Variants in ABCC8 observed in about 807,000 individuals in gnomAD.
ABCC8 encodes the protein ATP-binding cassette sub-family C member 8.
ABCC8 carries 137 observed loss-of-function variants against 188.0 expected under a neutral mutation model. The observed-to-expected ratio is 0.73, with a 90% CI of 0.63 to 0.84. The LOEUF (loss-of-function observed/expected upper bound fraction) is 0.84, where lower values mean the gene tolerates loss of function less well. Ranked by LOEUF, ABCC8 falls within the 40% of genes least tolerant of loss-of-function variation. The pLI is 0.00. For missense variants in ABCC8, 1,750 were observed against 2,072.7 expected (o/e 0.84, Z 3.02); for synonymous variants, 797 against 846.5 (o/e 0.94, Z 1.01).
chr11:17,470,123 G>A lies in ABCC8; in HGVS notation c.390C>T (p.Ser130=), dbSNP rs1287419173. Residue 130 remains serine, a synonymous_variant, in exon 3 of 39, where the codon TCC becomes TCT. Coordinates refer to ENST00000389817, the MANE Select transcript of ABCC8 (RefSeq NM_000352.6). ...SVVYYHNIET[S]NFPKLLIALL... is the part of the protein sequence containing the mutation. ...TACCAATTAGCAGCTTGGGGAAGTTGGAAGTCTCGATGTTGTGATAGTAGA... is the reference window on the plus strand; with the variant it reads ...TACCAATTAGCAGCTTGGGGAAGTTAGAAGTCTCGATGTTGTGATAGTAGA... 6 of 1,614,146 alleles carry A rather than the reference G, an allele frequency of 3.7e-6. No individual in the cohort carries two copies. In the Admixed American group the frequency reaches 6.7e-5, roughly 18 times the overall value.
chr11:17,463,478 C>T lies in ABCC8; in HGVS notation c.539G>A (p.Gly180Glu). Residue 180 changes from glycine (G) to glutamate (E), a missense_variant, in exon 4 of 39, where the codon GGG becomes GAG. Transcript: ENST00000389817. ...CLTGLLVILY[G>E]MLLLVEVNVI... ...ATTGACCTCCACGAGGAGCAGCATC[C>T]CATAGAGGATCACCAGCAGCCCTGT... 6.2e-7 allele frequency: 1 copy of T among 1,605,626 alleles called. No individual in the cohort carries two copies. The highest frequency in any genetic ancestry group is 8.5e-7 in the Non-Finnish European group (1 of 1,176,280).
At chr11:17,398,946 C>T (rs1357323562) in intron 29 of ABCC8, 1 of 192,112 alleles carries the variant, frequency 5.2e-6, no homozygotes, top group Non-Finnish European at 1.1e-5. Context: ...AAATCGCAAA[C>T]TGTGTCCTCT....
At chr11:17,469,326 C>T (rs11024297) in intron 3 of ABCC8, among the ~76,000 whole-genome samples, 46,746 of 151,622 alleles carry the variant, frequency 0.31, 7,246 homozygotes, top group Middle Eastern at 0.44. Context: ...CTCCTGACCT[C>T]GGGTGATCCG....
intron 20 of ABCC8, 132 bp from the exon 21 acceptor site, chr11:17,412,878 C>A (rs1954883270): frequency 6.6e-7 from 1 of 1,520,948 alleles, no homozygotes; most frequent in African/African-American, 1.4e-5. Flanking sequence ...TCTCACCTTG[C>A]ATAGAGAAGG....
intron 10 of ABCC8, chr11:17,435,886 T>G: frequency 7.6e-7 from 1 of 1,314,002 alleles, no homozygotes; most frequent in Non-Finnish European, 1.1e-6. Flanking sequence ...GCATTCCAAA[T>G]AAGACTCAAA....
At position 17,448,582 on chromosome 11, in the gene ABCC8, G is replaced by A; in HGVS notation, c.1266C>T (p.Ala422=). 6.2e-7 allele frequency: 1 copy of A among 1,614,192 alleles called. No individual in the cohort carries two copies. Among genetic ancestry groups the A allele is most frequent in the South Asian group, 1.1e-5 (1 of 91,072 alleles). The change falls in exon 8 of 39, where the codon GCC becomes GCT. Residue 422 remains alanine (A), a synonymous_variant. Transcript: ENST00000389817. ...ACCACATGAGCTGATTGGTGTCGAT[G>A]GCAACCAGATTACAGATCTGTCCAG... ...MTAGQICNLV[A]IDTNQLMWFF...
At chr11:17,396,555 C>T in intron 33 of ABCC8, 1 of 341,388 alleles carries the variant, frequency 2.9e-6, no homozygotes, top group South Asian at 2.9e-5. Context: ...CAAGGGTGGC[C>T]TCGCTGTCTG....
chr11:17,448,827 T>C, intron 7 of ABCC8, 156 bp from the exon 8 acceptor site: 1 of 611,432 alleles, frequency 1.6e-6, no homozygotes, highest in South Asian at 7.2e-5. Flanking sequence ...CCGTTCCAAC[T>C]TACTAGTCTA....
chr11:17,428,629 C>A lies in ABCC8; in HGVS notation c.1859G>T (p.Arg620Leu), dbSNP rs771879279. Residue 620 changes from arginine to leucine, a missense_variant, in exon 13 of 39, where the codon CGT becomes CTT. Coordinates refer to ENST00000389817, the MANE Select transcript of ABCC8 (RefSeq NM_000352.6). ...CTCATGGGGGGCACACTGCTCCTCA[C>A]GGATCTCTGCACTGGACAGGAACTC... ...LSEFLSSAEI[R>L]EEQCAPHEPT... is the part of the protein sequence containing the mutation. The A allele has an allele frequency of 6.2e-7, 1 of 1,613,988 alleles. No homozygotes were observed. Among genetic ancestry groups the A allele is most frequent in the East Asian group, 2.2e-5 (1 of 44,878 alleles).
At position 17,408,427 on chromosome 11, in the gene ABCC8, T is replaced by A. The variant is rs747355114; in HGVS notation, c.2785A>T (p.Thr929Ser). ...TCTTGGTCCTGTCGGTTCATGAGGG[T>A]CTTCCAGTGCTCAAAGAGCTGGCAT... ...SECQLFEHWK[T>S]LMNRQDQELE... is the part of the protein sequence containing the mutation. The change falls in exon 23 of 39, where the codon ACC (threonine) becomes TCC (serine). Residue 929 changes from threonine to serine, a missense_variant. Physicochemically the swap from Thr to Ser is moderately conservative, Grantham distance 58 (BLOSUM62 1). Coordinates refer to ENST00000389817, the MANE Select transcript of ABCC8 (RefSeq NM_000352.6). 5 of 1,613,652 alleles carry A rather than the reference T, an allele frequency of 3.1e-6. No individual in the cohort carries two copies. Among genetic ancestry groups the A allele is most frequent in the Non-Finnish European group, 4.2e-6 (5 of 1,180,002 alleles).
chr11:17,469,725 C>A (rs1389581399), intron 3 of ABCC8, among the ~76,000 whole-genome samples: 1 of 152,174 alleles, frequency 6.6e-6, no homozygotes, highest in Non-Finnish European at 1.5e-5. Context: ...CAAATCTATC[C>A]CTATCAGAGG....
intron 10 of ABCC8, among the ~76,000 whole-genome samples, chr11:17,434,847 A>G (rs1388559457): frequency 6.6e-6 from 1 of 152,182 alleles, no homozygotes; most frequent in Non-Finnish European, 1.5e-5. Flanking sequence ...TGGCTGTTGT[A>G]TGGAGACGCT....
chr11:17,461,117 C>G (rs1206406510), intron 5 of ABCC8: 2 of 335,642 alleles, frequency 6.0e-6, no homozygotes, highest in African/African-American at 2.1e-5. Flanking sequence ...GGGCAGGTCA[C>G]AGCCTTTCTC....
chr11:17,467,451 C>A (rs1204048314), intron 3 of ABCC8, among the ~76,000 whole-genome samples: 1 of 152,004 alleles, frequency 6.6e-6, no homozygotes, highest in Non-Finnish European at 1.5e-5. Flanking sequence ...CCACGCCACT[C>A]TTCTTCTTCT....
At chr11:17,433,654 T>C (rs1304925641) in intron 10 of ABCC8, among the ~76,000 whole-genome samples, 1 of 152,140 alleles carries the variant, frequency 6.6e-6, no homozygotes, top group Non-Finnish European at 1.5e-5. Context: ...TACATGCCCC[T>C]TAGGAGTTCT....
intron 10 of ABCC8, among the ~76,000 whole-genome samples, chr11:17,434,409 C>T (rs1955987095): frequency 6.6e-6 from 1 of 152,214 alleles, no homozygotes; most frequent in Admixed American, 6.5e-5. Context: ...AATCCGTCTC[C>T]AGGAAATTTA....
chr11:17,413,578 G>A (rs1215750030), intron 19 of ABCC8, 100 bp from the exon 20 acceptor site: 1 of 1,609,864 alleles, frequency 6.2e-7, no homozygotes, highest in Admixed American at 1.7e-5. Context: ...TATGCCCAGG[G>A]TGAGCAATGG....
At chr11:17,436,707 GC>G (rs1956111607) in intron 10 of ABCC8, among the ~76,000 whole-genome samples, 1 of 152,204 alleles carries the variant, frequency 6.6e-6, no homozygotes, top group Non-Finnish European at 1.5e-5. Context: ...GGCCTGAAAG[GC>G]TGCCATCAAA....
chr11:17,469,664 C>T (rs1006654715), intron 3 of ABCC8, among the ~76,000 whole-genome samples: 4 of 152,168 alleles, frequency 2.6e-5, no homozygotes, highest in Non-Finnish European at 5.9e-5. Context: ...CTGCCCTCAC[C>T]TCCCACTCTT....
Sources: gnomAD v4.1 joint callset for allele counts (sites outside exome capture counted in the v4.1 genomes callset) on GRCh38, gnomAD v4.1.1 for gene constraint, MANE v1.5 for transcripts, NCBI Gene and HGNC (gene_info 2026-07-23, HGNC 2026-07-21) for gene names.